KALRN: variants seen among roughly 807,000 people sequenced by gnomAD.
KALRN encodes the protein kalirin RhoGEF kinase.
KALRN carries 70 observed loss-of-function variants against 353.7 expected under a neutral mutation model. That is an observed-to-expected ratio of 0.20 (90% confidence interval 0.16 to 0.24). The LOEUF (loss-of-function observed/expected upper bound fraction) is 0.24. Among genes scored for constraint, KALRN ranks in the 10% least tolerant of loss-of-function variants. The probability of loss-of-function intolerance (pLI) is 1.00; values close to 1 mark genes in which losing one functional copy is unlikely to be tolerated. For synonymous variants in KALRN, 1,391 were observed against 1,434.8 expected, an observed-to-expected ratio of 0.97 and a Z score of 0.69; for missense variants, 2,791 against 3,756.7, an observed-to-expected ratio of 0.74 and a Z score of 6.72.
intron 1 of KALRN, among the ~76,000 whole-genome samples, chr3:124,124,560 A>C (rs1256285961): frequency 6.6e-6 from 1 of 152,218 alleles, no homozygotes; most frequent in Non-Finnish European, 1.5e-5. Context: ...CTGTGGGAAA[A>C]ATGCTATCAC....
intron 33 of KALRN, among the ~76,000 whole-genome samples, chr3:124,521,474 T>G (rs77714562): frequency 0.11 from 16,155 of 152,120 alleles, 1,128 homozygotes; most frequent in Middle Eastern, 0.16. Flanking sequence ...GAATAAAGAC[T>G]AGAACTCAGA....
intron 33 of KALRN, among the ~76,000 whole-genome samples, chr3:124,540,203 G>C (rs1239721253): frequency 6.6e-6 from 1 of 152,172 alleles, no homozygotes; most frequent in Non-Finnish European, 1.5e-5. Flanking sequence ...ACAGGTGTAA[G>C]CCACTGCACC....
chr3:124,350,642 T>C (rs1214702988), intron 10 of KALRN, among the ~76,000 whole-genome samples: 2 of 152,194 alleles, frequency 1.3e-5, no homozygotes, highest in African/African-American at 4.8e-5. Flanking sequence ...GGGTGGGGGA[T>C]GTTGCCACCC....
intron 1 of KALRN, among the ~76,000 whole-genome samples, chr3:124,080,380 C>T (rs1189889668): frequency 6.6e-6 from 1 of 152,192 alleles, no homozygotes; most frequent in South Asian, 2.1e-4. Flanking sequence ...GAACTCCATA[C>T]CAACTCAGTT....
chr3:124,071,981 G>C (rs1017817347), intron 1 of KALRN, among the ~76,000 whole-genome samples: 2 of 152,174 alleles, frequency 1.3e-5, no homozygotes, highest in African/African-American at 4.8e-5. Context: ...ATTCCTAAAA[G>C]ACCTCTTGAA....
At chr3:124,604,554 A>G (rs1412746527) in intron 34 of KALRN, among the ~76,000 whole-genome samples, 5 of 152,236 alleles carry the variant, frequency 3.3e-5, no homozygotes, top group African/African-American at 7.2e-5. Flanking sequence ...GATCCTTAAA[A>G]TAAATTATTC....
At chr3:124,660,848 A>G in intron 43 of KALRN, 75 bp from the exon 44 acceptor site, 1 of 1,019,488 alleles carries the variant, frequency 9.8e-7, no homozygotes, top group Non-Finnish European at 1.6e-6. Context: ...TTGTATTTTT[A>G]TGATAAGTTT....
At chr3:124,340,016 T>C (rs924292350) in intron 9 of KALRN, among the ~76,000 whole-genome samples, 37 of 152,186 alleles carry the variant, frequency 2.4e-4, no homozygotes, top group African/African-American at 8.7e-4. Context: ...TTTCAAATTA[T>C]ATGTGTTATT....
chr3:124,255,619 A>G (rs1462844600), intron 3 of KALRN, among the ~76,000 whole-genome samples: 2 of 152,228 alleles, frequency 1.3e-5, no homozygotes, highest in Non-Finnish European at 2.9e-5. Flanking sequence ...GGCTCTAGAA[A>G]TTGGTCAACC....
intron 5 of KALRN, among the ~76,000 whole-genome samples, chr3:124,288,225 T>C (rs1195524225): frequency 6.6e-6 from 1 of 152,198 alleles, no homozygotes. Context: ...AAATTAAGGC[T>C]ATGTTTGTGA....
chr3:124,201,753 GA>G (rs1473778614), intron 1 of KALRN, among the ~76,000 whole-genome samples: 1 of 152,202 alleles, frequency 6.6e-6, no homozygotes, highest in Non-Finnish European at 1.5e-5. Flanking sequence ...ATAGACCTGG[GA>G]GTGTTTGCTT....
At chr3:124,646,774 A>G (rs540269279) in intron 37 of KALRN, among the ~76,000 whole-genome samples, 16 of 152,102 alleles carry the variant, frequency 1.1e-4, no homozygotes, top group African/African-American at 3.9e-4. Context: ...AAATTTGGAA[A>G]AATGACGAGT....
At chr3:124,668,071 C>T (rs200138965) in intron 47 of KALRN, among the ~76,000 whole-genome samples, 4,186 of 151,426 alleles carry the variant, frequency 0.028, 85 homozygotes, top group East Asian at 0.078. Context: ...CACACACACA[C>T]ACACACACAC....
At chr3:124,328,145 A>G (rs1219573781) in intron 7 of KALRN, among the ~76,000 whole-genome samples, 1 of 152,190 alleles carries the variant, frequency 6.6e-6, no homozygotes, top group Non-Finnish European at 1.5e-5. Flanking sequence ...AAAGACTGAA[A>G]TAATACTTGT....
intron 1 of KALRN, among the ~76,000 whole-genome samples, chr3:124,154,495 T>C (rs886788962): frequency 1.3e-5 from 2 of 152,116 alleles, no homozygotes; most frequent in Admixed American, 1.3e-4. Flanking sequence ...AAATCATGAG[T>C]GAACTCCCAT....
At chr3:124,097,423 T>C (rs1186138651) in intron 1 of KALRN, among the ~76,000 whole-genome samples, 1 of 152,194 alleles carries the variant, frequency 6.6e-6, no homozygotes, top group African/African-American at 2.4e-5. Context: ...CCCTCATCAT[T>C]GTCGTGCCTT....
intron 7 of KALRN, among the ~76,000 whole-genome samples, chr3:124,327,916 C>T (rs2080088551): frequency 6.6e-6 from 1 of 152,228 alleles, no homozygotes; most frequent in African/African-American, 2.4e-5. Context: ...TTAGGCAAGT[C>T]ACATCACCAT....
At position 124,286,436 on chromosome 3, in the gene KALRN, A is replaced by G. The variant is rs200975033; in HGVS notation, c.970-12355A>G. Among the ~76,000 whole-genome samples the G allele has an allele frequency of 1.9e-4, 29 of 152,146 alleles. No individual in the cohort carries two copies. In the East Asian group the frequency reaches 5.4e-3, roughly 28 times the overall value. On this transcript the variant is annotated intron_variant, in intron 5 of 59. Transcript: ENST00000682506. ...CTGGCTATATTTTTGTCTTTTTAGT[A>G]GAGACAGGGTTTTGCTGTGTTGGCC... is the stretch of plus-strand genomic sequence containing the variant.
chr3:124,098,008 A>G (rs1250225728), intron 1 of KALRN, among the ~76,000 whole-genome samples: 1 of 152,222 alleles, frequency 6.6e-6, no homozygotes, highest in South Asian at 2.1e-4. Flanking sequence ...TGAGTTGTAT[A>G]TAAAAGAAGT....
Sources: gnomAD v4.1 joint callset for allele counts (sites outside exome capture counted in the v4.1 genomes callset) on GRCh38, gnomAD v4.1.1 for gene constraint, MANE v1.5 for transcripts, NCBI Gene and HGNC (gene_info 2026-07-23, HGNC 2026-07-21) for gene names.